Variants in DNAJC16 observed in about 807,000 individuals in gnomAD.
DNAJC16 encodes the protein dnaJ homolog subfamily C member 16.
In DNAJC16, 76 loss-of-function variants were observed where a neutral mutation model predicts 92.7. The observed-to-expected ratio is 0.82, with a 90% CI of 0.68 to 0.99. The LOEUF (loss-of-function observed/expected upper bound fraction) is 0.99. DNAJC16 is among the 50% of genes least tolerant of loss of function. The probability of loss-of-function intolerance (pLI) is 0.00; values close to 1 mark genes in which losing one functional copy is unlikely to be tolerated. For missense variants in DNAJC16, 869 were observed against 942.4 expected (o/e 0.92, Z 1.02); for synonymous variants, 328 against 358.7 (o/e 0.91, Z 0.97).
intron 4 of DNAJC16, among the ~76,000 whole-genome samples, chr1:15,538,423 A>G (rs1237792814): frequency 1.3e-5 from 2 of 150,722 alleles, no homozygotes; most frequent in East Asian, 2.0e-4. Flanking sequence ...GAAAAAAAGG[A>G]AGACTAATTC....
intron 2 of DNAJC16, among the ~76,000 whole-genome samples, chr1:15,533,532 G>A (rs1203537836): frequency 6.6e-6 from 1 of 152,142 alleles, no homozygotes; most frequent in African/African-American, 2.4e-5. Flanking sequence ...GGAGGCTGAG[G>A]CAAGAGAATC....
chr1:15,551,722 T>A lies in DNAJC16; in HGVS notation c.1023+3294T>A, dbSNP rs1186690446. Among the ~76,000 whole-genome samples the A allele has an allele frequency of 2.0e-5, 3 of 151,886 alleles. No homozygotes were observed. In the East Asian group the frequency reaches 5.8e-4, roughly 29 times the overall value. Reference sequence around the variant, plus strand: ...CCGACTTCCTGGGCTCAAGTGATCCTTCTGCCTCAGTCTCCCGAGCAGCTG... The same window carrying A: ...CCGACTTCCTGGGCTCAAGTGATCCATCTGCCTCAGTCTCCCGAGCAGCTG... On this transcript the variant is annotated intron_variant, in intron 7 of 14. Transcript: ENST00000375847.
intron 1 of DNAJC16, among the ~76,000 whole-genome samples, chr1:15,527,331 G>A (rs1028231616): frequency 1.3e-5 from 2 of 152,182 alleles, no homozygotes; most frequent in East Asian, 3.8e-4. Context: ...CGCCACTTCG[G>A]CCCTCTAGCT....
At chr1:15,528,104 T>G (rs1710562989) in intron 1 of DNAJC16, among the ~76,000 whole-genome samples, 1 of 152,250 alleles carries the variant, frequency 6.6e-6, no homozygotes, top group Admixed American at 6.5e-5. Flanking sequence ...CTAAATTTTT[T>G]CTTGCCGCTT....
At chr1:15,551,822 CAG>C (rs1357646677) in intron 7 of DNAJC16, among the ~76,000 whole-genome samples, 1 of 151,776 alleles carries the variant, frequency 6.6e-6, no homozygotes, top group African/African-American at 2.4e-5. Flanking sequence ...CATCTGAATT[CAG>C]GAGTTCAAGA....
chr1:15,567,877 C>G lies in DNAJC16; in HGVS notation c.2049C>G (p.Asn683Lys). Residue 683 changes from asparagine to lysine, a missense_variant, in exon 15 of 15, where the codon AAC becomes AAG. Coordinates refer to ENST00000375847, the MANE Select transcript of DNAJC16 (RefSeq NM_015291.4). ...CTCAAGATGCAGCTCCAATCCCAAA[C>G]CAATATGATAAGCATTTCATGGAGC... ...EFAQDAAPIPNQYDKHFMERD... is the reference protein window; with the variant it reads ...EFAQDAAPIPKQYDKHFMERD... 6.2e-7 allele frequency: 1 copy of G among 1,614,222 alleles called. No individual in the cohort carries two copies.
Position 15,530,341 on chromosome 1 carries a change from C to T in DNAJC16, c.167+1069C>T, listed in dbSNP as rs539181527. On this transcript the variant is annotated intron_variant, in intron 2 of 14. Coordinates refer to ENST00000375847, the MANE Select transcript of DNAJC16 (RefSeq NM_015291.4). Reference sequence around the variant, plus strand: ...CCAGCCTGGGCAACAGAGTGAGACCCGTCTCAAAAAAAAAAACTTACAGAA... The same window carrying T: ...CCAGCCTGGGCAACAGAGTGAGACCTGTCTCAAAAAAAAAAACTTACAGAA... 8.8e-4 allele frequency among the ~76,000 whole-genome samples: 87 copies of T among 98,428 alleles called. 1 individual carries two copies. The East Asian group carries it at 0.023, about 26-fold the overall frequency. The allele number at this position is 98,428 out of a possible 152,430, so 64.6% of individuals were successfully genotyped here.
In DNAJC16 at chr1:15,567,992, GCCATA is replaced by G; in HGVS notation, c.2165_2169del (p.Ala722GlyfsTer5). On this transcript the variant is annotated frameshift_variant, in exon 15 of 15. Transcript: ENST00000375847. LOFTEE classifies it high-confidence loss of function. The stretch of plus-strand genomic sequence containing the variant: ...CCAAAAGACAGTCGAAGAGGAGGAA[GCCATA>G]GGGTCGTGCAGTGATGTTGACTCTT... 1 of 1,614,268 alleles carries G rather than the reference GCCATA, an allele frequency of 6.2e-7. No individual in the cohort carries two copies. The highest frequency in any genetic ancestry group is 8.5e-7 in the Non-Finnish European group (1 of 1,180,044).
intron 7 of DNAJC16, among the ~76,000 whole-genome samples, chr1:15,551,821 T>C (rs531915813): frequency 3.3e-5 from 5 of 151,904 alleles, no homozygotes; most frequent in African/African-American, 9.7e-5. Context: ...TCATCTGAAT[T>C]CAGGAGTTCA....
chr1:15,567,060 A>T (rs1253460727), intron 13 of DNAJC16, 39 bp from the exon 14 acceptor site: 2 of 1,585,942 alleles, frequency 1.3e-6, no homozygotes, highest in Admixed American at 3.4e-5. Context: ...CTTTCCCCCT[A>T]TCCTGACAGC....
chr1:15,527,189 T>A (rs1710537307), intron 1 of DNAJC16, among the ~76,000 whole-genome samples: 1 of 152,084 alleles, frequency 6.6e-6, no homozygotes, highest in Non-Finnish European at 1.5e-5. Context: ...CTGGAGCTTG[T>A]CTCTGGGAGC....
chr1:15,551,329 C>T (rs537815231), intron 7 of DNAJC16, among the ~76,000 whole-genome samples: 2 of 152,312 alleles, frequency 1.3e-5, no homozygotes, highest in South Asian at 4.1e-4. Context: ...GTCCTGAGGA[C>T]AAGTGCTTAC....
chr1:15,530,409 G>A (rs960690814), intron 2 of DNAJC16, among the ~76,000 whole-genome samples: 1 of 152,144 alleles, frequency 6.6e-6, no homozygotes, highest in Non-Finnish European at 1.5e-5. Context: ...CAATTAGCAG[G>A]GTAGCAATAA....
rs1031030041 is a variant in DNAJC16, at chr1:15,546,825, A to G, written c.818A>G (p.His273Arg). ...GGCTGGCAGCAAGAGAATAAGCCTC[A>G]TGTCCTTCTGTTTGACCAAACGCCC... ...LSGWQQENKPHVLLFDQTPIV... is the reference protein window; with the variant it reads ...LSGWQQENKPRVLLFDQTPIV... The change falls in exon 6 of 15, where the codon CAT becomes CGT. Residue 273 changes from histidine to arginine, a missense_variant. His to Arg is a conservative substitution (Grantham distance 29). Transcript: ENST00000375847. 6.2e-7 allele frequency: 1 copy of G among 1,613,632 alleles called. No individual in the cohort carries two copies. Among genetic ancestry groups the G allele is most frequent in the African/African-American group, 1.3e-5 (1 of 74,830 alleles).
intron 7 of DNAJC16, among the ~76,000 whole-genome samples, chr1:15,553,526 A>G (rs1203133895): frequency 1.3e-5 from 2 of 152,112 alleles, no homozygotes; most frequent in Non-Finnish European, 2.9e-5. Flanking sequence ...GAGTCACCGC[A>G]CCTGGCTGTT....
At position 15,556,596 on chromosome 1, in the gene DNAJC16, C is replaced by G. The variant is rs562061976; in HGVS notation, c.1024-2930C>G. ...TCTTCTATTAACTTAAATAATTTAT[C>G]TGTACCATCTTTTAGATCAGCTAAC... On this transcript the variant is annotated intron_variant, in intron 7 of 14. Coordinates refer to ENST00000375847, the MANE Select transcript of DNAJC16 (RefSeq NM_015291.4). Among the ~76,000 whole-genome samples, 8 of 152,356 alleles carry G rather than the reference C, an allele frequency of 5.3e-5. No individual in the cohort carries two copies. In the South Asian group the frequency reaches 1.7e-3, roughly 32 times the overall value.
intron 14 of DNAJC16, 41 bp downstream of exon 14, chr1:15,567,310 G>A: frequency 6.3e-7 from 1 of 1,578,594 alleles, no homozygotes; most frequent in Non-Finnish European, 8.7e-7. Flanking sequence ...GTGTGTGAGA[G>A]AGAGAGAGGC....
chr1:15,571,248 C>T lies in DNAJC16; in HGVS notation c.*3071C>T, dbSNP rs1293195417. The stretch of plus-strand genomic sequence containing the variant: ...CTTGTTCCTTTTTATTTATTAACAT[C>T]CCAATCAATTTGCAGCTGCCATCAT... On this transcript the variant is annotated 3_prime_UTR_variant, in exon 15 of 15. Coordinates refer to ENST00000375847, the MANE Select transcript of DNAJC16 (RefSeq NM_015291.4). The T allele has an allele frequency of 6.6e-6, 1 of 152,302 alleles. No individual in the cohort carries two copies. Among genetic ancestry groups the T allele is most frequent in the East Asian group, 1.9e-4 (1 of 5,194 alleles). The allele number at this position is 152,302 out of a possible 1,614,324, so 9.4% of individuals were successfully genotyped here.
intron 6 of DNAJC16, among the ~76,000 whole-genome samples, chr1:15,547,599 C>T (rs988894691): frequency 2.0e-5 from 3 of 151,772 alleles, no homozygotes; most frequent in African/African-American, 7.3e-5. Flanking sequence ...CACACCACCA[C>T]GCTCGGCTAA....
Sources: allele counts gnomAD v4.1 joint callset (sites outside exome capture counted in the v4.1 genomes callset), GRCh38; gene constraint gnomAD v4.1.1; transcripts MANE v1.5; gene names NCBI Gene and HGNC (gene_info 2026-07-23, HGNC 2026-07-21).